Variants in SCN10A observed in about 807,000 individuals in gnomAD.
The protein encoded by SCN10A is sodium voltage-gated channel alpha subunit 10, also known as sodium channel protein type 10 subunit alpha.
Under a neutral mutation model 170.7 loss-of-function variants are expected in SCN10A, and 162 were observed. The observed-to-expected ratio is 0.95, with a 90% CI of 0.84 to 1.08. The LOEUF is 1.08. Ranked by LOEUF, SCN10A falls within the 50% of genes least tolerant of loss-of-function variation. The probability of loss-of-function intolerance (pLI) is 0.00; values close to 1 mark genes in which losing one functional copy is unlikely to be tolerated. For synonymous variants in SCN10A, 985 were observed against 904.6 expected (o/e 1.09, Z -1.59); for missense variants, 2,527 against 2,436.9 (o/e 1.04, Z -0.78).
intron 21 of SCN10A, 66 bp downstream of exon 21, chr3:38,718,587 C>A: frequency 6.4e-7 from 1 of 1,556,244 alleles, no homozygotes; most frequent in Non-Finnish European, 8.8e-7. Flanking sequence ...CTTCCTTTGC[C>A]CTAGCTGTAG....
At position 38,729,395 on chromosome 3, in the gene SCN10A, G is replaced by T. The variant is rs187741942; in HGVS notation, c.2281-494C>A. Among the ~76,000 whole-genome samples the T allele has an allele frequency of 2.5e-3, 383 of 152,302 alleles. 7 individuals are homozygous for T. Among genetic ancestry groups the T allele is most frequent in the Non-Finnish European group, 5.0e-4 (34 of 68,030 alleles). ...CATCTTGGGGCAGTGGACAACATCT[G>T]TTGCTCCCACCAGCTTTGAAACTGC... On this transcript the variant is annotated intron_variant, in intron 15 of 27. Transcript: ENST00000449082.
chr3:38,816,067 G>A lies in SCN10A; in HGVS notation c.-63C>T, dbSNP rs1167772082. The A allele has an allele frequency of 2.6e-5, 4 of 152,154 alleles. No homozygotes were observed. Among genetic ancestry groups the A allele is most frequent in the Admixed American group, 6.5e-5 (1 of 15,270 alleles). The allele number at this position is 152,154 out of a possible 1,614,324, so 9.4% of individuals were successfully genotyped here. On this transcript the variant is annotated 5_prime_UTR_variant, in exon 1 of 28. The change creates a new upstream start codon in the 5' untranslated region. Transcript: ENST00000449082. ...CTGCTCAATCTTGCTTGTCTTCTAC[G>A]TAAGAAATATCTTCTCTTCTATCCC...
intron 20 of SCN10A, among the ~76,000 whole-genome samples, 170 bp downstream of exon 20, chr3:38,722,088 C>G (rs12487551): frequency 1.3e-5 from 2 of 152,248 alleles, no homozygotes; most frequent in Admixed American, 1.3e-4. Flanking sequence ...CTCCCATGCT[C>G]TGCTGCTAAG....
chr3:38,731,747 G>A (rs1286013273), intron 15 of SCN10A, among the ~76,000 whole-genome samples: 1 of 152,190 alleles, frequency 6.6e-6, no homozygotes, highest in Non-Finnish European at 1.5e-5. Flanking sequence ...ATTTGCATAT[G>A]CAACCCATGA....
chr3:38,779,751 T>C (rs2064116393), intron 4 of SCN10A, among the ~76,000 whole-genome samples: 1 of 152,138 alleles, frequency 6.6e-6, no homozygotes, highest in Non-Finnish European at 1.5e-5. Flanking sequence ...TTTTAGTTTA[T>C]AGTTTGTCTT....
At chr3:38,762,146 C>G (rs140083486) in intron 6 of SCN10A, among the ~76,000 whole-genome samples, 1 of 152,286 alleles carries the variant, frequency 6.6e-6, no homozygotes, top group East Asian at 1.9e-4. Context: ...AGAAAGAGCT[C>G]TGACCAGGGA....
rs2063484255 is a variant in SCN10A, at chr3:38,728,752, C to T, written c.2430G>A (p.Gly810=). 6.2e-7 allele frequency: 1 copy of T among 1,614,134 alleles called. No homozygotes were observed. The highest frequency in any genetic ancestry group is 8.5e-7 in the Non-Finnish European group (1 of 1,180,028). ...VFALVGKQLL[G]ENYRNNRKNI... ...TTTTTCGGTTGTTACGGTAGTTTTCCCCTAGGAGCTGCTTGCCAACCAGAG... is the reference window on the plus strand; with the variant it reads ...TTTTTCGGTTGTTACGGTAGTTTTCTCCTAGGAGCTGCTTGCCAACCAGAG... Residue 810 remains glycine (G), a synonymous_variant, in exon 16 of 28, where the codon GGG becomes GGA. Transcript: ENST00000449082.
At chr3:38,736,963 G>T (rs73826306) in intron 15 of SCN10A, among the ~76,000 whole-genome samples, 1,627 of 46,632 alleles carry the variant, frequency 0.035, 78 homozygotes, top group African/African-American at 0.13. Flanking sequence ...AGAAATGTTC[G>T]TTTTTTTTTT....
intron 11 of SCN10A, among the ~76,000 whole-genome samples, chr3:38,752,912 A>C (rs1252193838): frequency 6.6e-6 from 1 of 152,240 alleles, no homozygotes; most frequent in Admixed American, 6.5e-5. Context: ...GCTACTATGC[A>C]CACCAGTACT....
intron 1 of SCN10A, among the ~76,000 whole-genome samples, chr3:38,802,512 T>G (rs2064378949): frequency 6.6e-6 from 1 of 152,134 alleles, no homozygotes; most frequent in South Asian, 2.1e-4. Context: ...GTAACTTAGG[T>G]CCCAAGCCTT....
At chr3:38,704,649 A>G (rs1408838167) in intron 26 of SCN10A, among the ~76,000 whole-genome samples, 1 of 152,214 alleles carries the variant, frequency 6.6e-6, no homozygotes, top group African/African-American at 2.4e-5. Flanking sequence ...AGGGAATGTT[A>G]AAGAATAAAA....
chr3:38,772,657 C>A (rs1483549529), intron 4 of SCN10A, among the ~76,000 whole-genome samples: 6 of 151,458 alleles, frequency 4.0e-5, no homozygotes, highest in African/African-American at 1.5e-4. Flanking sequence ...TCACTGCACT[C>A]CAGTCTGGGT....
In SCN10A at chr3:38,789,056, G is replaced by A. The variant is rs372606098; in HGVS notation, c.390-20C>T. ...AACCACCTGAAAGGCCTGTGTTAAG[G>A]AAAAGCTGAGATCACCAAGTCTCTG... On this transcript the variant is annotated intron_variant, in intron 3 of 27. Transcript: ENST00000449082. 29 of 1,428,232 alleles carry A rather than the reference G, an allele frequency of 2.0e-5. No homozygotes were observed. The African/African-American group carries it at 3.2e-4, about 16-fold the overall frequency. 88.5% of individuals were successfully genotyped at this position (1,428,232 alleles called of 1,614,324 possible). A position where few individuals can be genotyped will look rare whatever the true frequency, so the allele number is the denominator to read the frequency against.
Position 38,739,676 on chromosome 3 carries a change from A to T in SCN10A, c.2119T>A (p.Phe707Ile). 6.2e-7 allele frequency: 1 copy of T among 1,614,060 alleles called. No homozygotes were observed. Among genetic ancestry groups the T allele is most frequent in the Non-Finnish European group, 8.5e-7 (1 of 1,179,906 alleles). Reference sequence around the variant, plus strand: ...TTGAAGACCATTTCAGCAGTAAAAAATATGGTAAAGACCTAGGAGTGGAAA... The same window carrying T: ...TTGAAGACCATTTCAGCAGTAAAAATTATGGTAAAGACCTAGGAGTGGAAA... ...LQIGNIVFTI[F>I]FTAEMVFKII... The change falls in exon 15 of 28, where the codon TTT becomes ATT. Residue 707 changes from phenylalanine to isoleucine, a missense_variant. Coordinates refer to ENST00000449082, the MANE Select transcript of SCN10A (RefSeq NM_006514.4).
chr3:38,771,466 C>A (rs1363420292), intron 4 of SCN10A, 59 bp from the exon 5 acceptor site: 3 of 1,583,392 alleles, frequency 1.9e-6, no homozygotes, highest in Non-Finnish European at 1.7e-6. Context: ...TCAGGGGGTT[C>A]CTTCTTCCAG....
intron 20 of SCN10A, 144 bp downstream of exon 20, chr3:38,722,114 G>C (rs1467272965): frequency 1.2e-6 from 1 of 800,610 alleles, no homozygotes; most frequent in African/African-American, 1.7e-5. Context: ...CCCTCGCCCT[G>C]GGCTGCAGCT....
intron 23 of SCN10A, 90 bp downstream of exon 23, chr3:38,712,071 G>A: frequency 7.6e-7 from 1 of 1,319,522 alleles, no homozygotes; most frequent in Non-Finnish European, 1.1e-6. Context: ...TCCTTGCAAA[G>A]TCCCCACATA....
chr3:38,717,217 T>C (rs912817495), intron 21 of SCN10A, among the ~76,000 whole-genome samples: 4 of 151,802 alleles, frequency 2.6e-5, no homozygotes, highest in Non-Finnish European at 5.9e-5. Context: ...CTGATGAAGA[T>C]GTACAGCTGG....
At chr3:38,805,620 C>G (rs2126065506) in intron 1 of SCN10A, among the ~76,000 whole-genome samples, 1 of 152,172 alleles carries the variant, frequency 6.6e-6, no homozygotes, top group Admixed American at 6.5e-5. Flanking sequence ...TATGAGTAAG[C>G]TGTCTAGGAA....
Sources: gnomAD v4.1 joint callset for allele counts (sites outside exome capture counted in the v4.1 genomes callset) on GRCh38, gnomAD v4.1.1 for gene constraint, MANE v1.5 for transcripts, NCBI Gene and HGNC (gene_info 2026-07-23, HGNC 2026-07-21) for gene names.